The following MKRN1 variants were observed in gnomAD, a reference collection of about 807,000 sequenced individuals.
MKRN1 encodes the protein E3 ubiquitin-protein ligase makorin-1.
A neutral mutation model predicts 55.5 loss-of-function variants in MKRN1; 9 were observed. The observed-to-expected ratio is 0.16, with a 90% CI of 0.10 to 0.28. The LOEUF (loss-of-function observed/expected upper bound fraction) is 0.28. Ranked by LOEUF, MKRN1 falls within the 10% of genes least tolerant of loss-of-function variation. MKRN1 has a pLI of 1.00. For missense variants in MKRN1, 488 were observed against 626.7 expected, an observed-to-expected ratio of 0.78 and a Z score of 2.36; for synonymous variants, 253 against 235.9, an observed-to-expected ratio of 1.07 and a Z score of -0.66.
chr7:140,463,824 C>A (rs920950527), intron 2 of MKRN1, among the ~76,000 whole-genome samples: 2 of 151,956 alleles, frequency 1.3e-5, no homozygotes, highest in African/African-American at 2.4e-5. Flanking sequence ...GGCGGAGCTT[C>A]CAGTGAGAGA....
At chr7:140,466,462 TGA>T (rs1171249014) in intron 2 of MKRN1, among the ~76,000 whole-genome samples, 2 of 152,148 alleles carry the variant, frequency 1.3e-5, no homozygotes, top group Non-Finnish European at 2.9e-5. Flanking sequence ...GCTGGGAGTT[TGA>T]GACCAACCTC....
chr7:140,460,060 C>T, intron 2 of MKRN1, 124 bp from the exon 3 acceptor site: 1 of 828,964 alleles, frequency 1.2e-6, no homozygotes, highest in Non-Finnish European at 1.9e-6. Context: ...ACCAGCCTGG[C>T]CAATGTGGTG....
At chr7:140,472,130 A>G (rs1794946439) in intron 1 of MKRN1, 119 bp from the exon 2 acceptor site, 1 of 1,378,656 alleles carries the variant, frequency 7.3e-7, no homozygotes, top group Non-Finnish European at 9.9e-7. Flanking sequence ...AAATAAACAC[A>G]AAGAAAGGGC....
intron 2 of MKRN1, among the ~76,000 whole-genome samples, chr7:140,468,022 T>C (rs1313596720): frequency 8.7e-6 from 1 of 114,858 alleles, no homozygotes; most frequent in Non-Finnish European, 1.7e-5. Flanking sequence ...AAAAAAAAAA[T>C]GCAGAGGCTT....
At chr7:140,471,412 T>C (rs2130341685) in intron 2 of MKRN1, among the ~76,000 whole-genome samples, 1 of 152,146 alleles carries the variant, frequency 6.6e-6, no homozygotes, top group Admixed American at 6.6e-5. Context: ...GAGGGTTACT[T>C]GTTTAACATC....
chr7:140,465,471 T>TA (rs979665622), intron 2 of MKRN1, among the ~76,000 whole-genome samples: 12 of 150,078 alleles, frequency 8.0e-5, no homozygotes, highest in East Asian at 2.0e-4. Flanking sequence ...CGACTCCATC[T>TA]AAAAAAAAAG....
chr7:140,457,420 T>A (rs1230742454), intron 4 of MKRN1, among the ~76,000 whole-genome samples: 1 of 152,146 alleles, frequency 6.6e-6, no homozygotes, highest in African/African-American at 2.4e-5. Flanking sequence ...TGTGTGGACA[T>A]CATATTTTAA....
intron 4 of MKRN1, among the ~76,000 whole-genome samples, chr7:140,458,206 C>A (rs1404451162): frequency 6.6e-6 from 1 of 152,172 alleles, no homozygotes; most frequent in Admixed American, 6.5e-5. Flanking sequence ...AACCTATATA[C>A]AAATGTTCCT....
chr7:140,464,671 C>T (rs1276941218), intron 2 of MKRN1, among the ~76,000 whole-genome samples: 1 of 152,016 alleles, frequency 6.6e-6, no homozygotes, highest in Non-Finnish European at 1.5e-5. Context: ...TGCCATTGCA[C>T]TCCAGCCTGG....
At chr7:140,476,496 T>TA (rs1795120739) in intron 1 of MKRN1, among the ~76,000 whole-genome samples, 1 of 132,152 alleles carries the variant, frequency 7.6e-6, no homozygotes, top group South Asian at 2.3e-4. Flanking sequence ...AAAAGGAAGA[T>TA]ACACATGTGT....
At chr7:140,468,144 T>G (rs899899640) in intron 2 of MKRN1, among the ~76,000 whole-genome samples, 1 of 152,102 alleles carries the variant, frequency 6.6e-6, no homozygotes, top group African/African-American at 2.4e-5. Flanking sequence ...TATCTATAGC[T>G]TTCTGATTCT....
At chr7:140,475,894 TTC>T (rs1262137905) in intron 1 of MKRN1, among the ~76,000 whole-genome samples, 9 of 152,152 alleles carry the variant, frequency 5.9e-5, no homozygotes, top group Admixed American at 5.9e-4. Context: ...CAATGAGCAT[TTC>T]TGTTTCTTAG....
At position 140,459,027 on chromosome 7, in the gene MKRN1, G is replaced by A; in HGVS notation, c.751C>T (p.Gln251Ter). 6.2e-7 allele frequency: 1 copy of A among 1,613,862 alleles called. No homozygotes were observed. Among genetic ancestry groups the A allele is most frequent in the Non-Finnish European group, 8.5e-7 (1 of 1,179,836 alleles). The change falls in exon 4 of 8, where the codon CAG becomes TAG. Residue 251 changes from glutamine (Q) to a stop codon, truncating the protein, a stop_gained. Coordinates refer to ENST00000255977, the MANE Select transcript of MKRN1 (RefSeq NM_013446.4). LOFTEE classifies it high-confidence loss of function. ...LQVLHPMDAAQRSQHIKSCIE... is the reference protein window; with the variant it reads ...LQVLHPMDAA ...CTTACTTTGATATGCTGCGATCTCT[G>A]GGCAGCATCCATTGGATGCAGGACC...
In MKRN1 at chr7:140,479,222, C is replaced by A; in HGVS notation, c.123G>T (p.Ala41=). 6.8e-7 allele frequency: 1 copy of A among 1,461,416 alleles called. No homozygotes were observed. Among genetic ancestry groups the A allele is most frequent in the Admixed American group, 2.7e-5 (1 of 37,602 alleles). 90.5% of individuals were successfully genotyped at this position (1,461,416 alleles called of 1,614,324 possible). The part of the protein sequence containing the change: ...IPTVTAPSLG[A]GGGGGGSDGS... ...CGTCGCTGCCGCCGCCCCCTCCGCC[C>A]GCCCCCAGGGACGGGGCGGTGACTG... is the stretch of plus-strand genomic sequence containing the variant. Residue 41 remains alanine, a synonymous_variant, in exon 1 of 8, where the codon GCG becomes GCT. Coordinates refer to ENST00000255977, the MANE Select transcript of MKRN1 (RefSeq NM_013446.4).
intron 1 of MKRN1, among the ~76,000 whole-genome samples, chr7:140,475,974 G>A (rs1795104544): frequency 6.6e-6 from 1 of 152,050 alleles, no homozygotes; most frequent in Non-Finnish European, 1.5e-5. Flanking sequence ...CTGAGGAAAG[G>A]TATAAAACAC....
At chr7:140,477,859 C>A (rs1311194308) in intron 1 of MKRN1, among the ~76,000 whole-genome samples, 1 of 152,202 alleles carries the variant, frequency 6.6e-6, no homozygotes, top group Non-Finnish European at 1.5e-5. Context: ...AAATAATTTG[C>A]TCCATGAGTA....
rs1041025000 is a variant in MKRN1 at position 140,479,199 on chromosome 7, T to C, written c.146A>G (p.Asp49Gly). The C allele has an allele frequency of 6.8e-6, 10 of 1,464,432 alleles. No homozygotes were observed. Among genetic ancestry groups the C allele is most frequent in the East Asian group, 3.0e-5 (1 of 33,140 alleles). 90.7% of individuals were successfully genotyped at this position (1,464,432 alleles called of 1,614,324 possible). Residue 49 changes from aspartate (D) to glycine (G), a missense_variant, in exon 1 of 8, where the codon GAC becomes GGC. Around this residue, in one of 2 missense-constraint regions of MKRN1, gnomAD observed 210 missense variants for 220.0 expected, o/e 0.95. Coordinates refer to ENST00000255977, the MANE Select transcript of MKRN1 (RefSeq NM_013446.4). ...LGAGGGGGGS[D>G]GSGGGWTKQV... is the part of the protein sequence containing the mutation. Reference sequence around the variant, plus strand: ...TTTAGTCCAGCCGCCGCCGCTGCCGTCGCTGCCGCCGCCCCCTCCGCCCGC... The same window carrying C: ...TTTAGTCCAGCCGCCGCCGCTGCCGCCGCTGCCGCCGCCCCCTCCGCCCGC...
Position 140,456,859 on chromosome 7 carries a change from A to G in MKRN1, c.779T>C (p.Ile260Thr). The G allele has an allele frequency of 6.2e-7, 1 of 1,613,714 alleles. No homozygotes were observed. The highest frequency in any genetic ancestry group is 8.5e-7 in the Non-Finnish European group (1 of 1,179,762). Reference sequence around the variant, plus strand: ...CTCCATGTCCTTCTCATGGGCCTCAATGCACGACTAGAGAAGGTGGAGAGA... The same window carrying G: ...CTCCATGTCCTTCTCATGGGCCTCAGTGCACGACTAGAGAAGGTGGAGAGA... ...AQRSQHIKSC[I>T]EAHEKDMELS... is the part of the protein sequence containing the mutation. Residue 260 changes from isoleucine to threonine, a missense_variant, in exon 5 of 8, where the codon ATT becomes ACT. This residue lies in a region of MKRN1 where 278 missense variants were observed against 406.7 expected (regional missense o/e 0.68). Coordinates refer to ENST00000255977, the MANE Select transcript of MKRN1 (RefSeq NM_013446.4).
chr7:140,459,478 A>G (rs1387935150), intron 3 of MKRN1, among the ~76,000 whole-genome samples: 1 of 152,226 alleles, frequency 6.6e-6, no homozygotes, highest in East Asian at 1.9e-4. Flanking sequence ...TTAATTTCAA[A>G]AAGTACTCGA....
Sources: allele counts gnomAD v4.1 joint callset (sites outside exome capture counted in the v4.1 genomes callset), GRCh38; gene constraint gnomAD v4.1.1; regional missense constraint gnomAD v4.1.1; transcripts MANE v1.5; gene names NCBI Gene and HGNC (gene_info 2026-07-23, HGNC 2026-07-21).